Variants in CNNM1 observed in about 807,000 individuals in gnomAD.
CNNM1 encodes the protein cyclin and CBS domain divalent metal cation transport mediator 1, also known as metal transporter CNNM1.
Under a neutral mutation model 78.8 loss-of-function variants are expected in CNNM1, and 44 were observed. That is an observed-to-expected ratio of 0.56 (90% CI 0.44 to 0.72). CNNM1 has a LOEUF of 0.72. CNNM1 is among the 30% of genes least tolerant of loss of function. CNNM1 has a pLI of 0.00. For synonymous variants in CNNM1, 584 were observed against 581.5 expected, an observed-to-expected ratio of 1.00 and a Z score of -0.06; for missense variants, 1,101 against 1,292.2, an observed-to-expected ratio of 0.85 and a Z score of 2.27.
At chr10:99,352,492 T>A (rs1352981707) in intron 1 of CNNM1, among the ~76,000 whole-genome samples, 1 of 152,244 alleles carries the variant, frequency 6.6e-6, no homozygotes, top group East Asian at 1.9e-4. Context: ...CAGCAATGTC[T>A]GAGAGGTTCA....
intron 5 of CNNM1, 92 bp downstream of exon 5, chr10:99,364,608 G>T: frequency 9.6e-7 from 1 of 1,041,758 alleles, no homozygotes; most frequent in Non-Finnish European, 1.4e-6. Context: ...TTTGACTCTT[G>T]TTAATCAGCC....
intron 1 of CNNM1, among the ~76,000 whole-genome samples, chr10:99,345,386 A>G (rs1404658735): frequency 6.6e-6 from 1 of 152,188 alleles, no homozygotes; most frequent in Non-Finnish European, 1.5e-5. Flanking sequence ...CATCTCAGGT[A>G]TCTAGCTTAC....
chr10:99,391,871 A>G lies in CNNM1; in HGVS notation c.*355A>G, dbSNP rs991139804. Reference sequence around the variant, plus strand: ...TGTTCTTTGGGTCCCCTGATGCCATAGGAGACCTATCGTCTTGGAACTTGC... The same window carrying G: ...TGTTCTTTGGGTCCCCTGATGCCATGGGAGACCTATCGTCTTGGAACTTGC... On this transcript the variant is annotated 3_prime_UTR_variant, in exon 11 of 11. Transcript: ENST00000356713. 10 of 213,230 alleles carry G rather than the reference A, an allele frequency of 4.7e-5. No individual in the cohort carries two copies. Among genetic ancestry groups the G allele is most frequent in the Non-Finnish European group, 9.4e-5 (10 of 106,000 alleles). The allele number at this position is 213,230 out of a possible 1,614,324, so 13.2% of individuals were successfully genotyped here.
intron 1 of CNNM1, among the ~76,000 whole-genome samples, chr10:99,346,084 T>C (rs1446643586): frequency 2.0e-5 from 3 of 152,190 alleles, no homozygotes; most frequent in African/African-American, 7.2e-5. Context: ...CATAGGAGCC[T>C]TTAATGCAAG....
rs1169809178 is a variant in CNNM1 at position 99,354,234 on chromosome 10, C to T, written c.1574-3278C>T. Among the ~76,000 whole-genome samples the T allele has an allele frequency of 2.0e-5, 3 of 152,306 alleles. No homozygotes were observed. The East Asian group carries it at 5.8e-4, about 29-fold the overall frequency. On this transcript the variant is annotated intron_variant, in intron 1 of 10. Transcript: ENST00000356713. ...GAAACGAAAAACTTTAAATTGAGCA[C>T]ATTCTAACAATTAATATAATCTAAT...
At chr10:99,342,952 CT>C (rs1311521951) in intron 1 of CNNM1, among the ~76,000 whole-genome samples, 3 of 151,336 alleles carry the variant, frequency 2.0e-5, no homozygotes, top group Non-Finnish European at 3.0e-5. Flanking sequence ...CTAGTCCCAT[CT>C]TTTTTTTTCT....
At chr10:99,382,203 G>C (rs748121784) in intron 7 of CNNM1, among the ~76,000 whole-genome samples, 3 of 152,194 alleles carry the variant, frequency 2.0e-5, no homozygotes, top group Non-Finnish European at 4.4e-5. Context: ...TACAAAATGA[G>C]ATAGAAAGGT....
Position 99,391,578 on chromosome 10 carries a change from C to A in CNNM1, c.*62C>A. 2.2e-6 allele frequency: 3 copies of A among 1,383,456 alleles called. No homozygotes were observed. The highest frequency in any genetic ancestry group is 2.4e-5 in the South Asian group (2 of 82,564). The allele number at this position is 1,383,456 out of a possible 1,614,324, so 85.7% of individuals were successfully genotyped here. A position where few individuals can be genotyped will look rare whatever the true frequency, so the allele number is the denominator to read the frequency against. ...CCAGAGCTTTGGGGGAGAATCCACC[C>A]TCCCATCATCTGCTTCCCCCAAGGC... On this transcript the variant is annotated 3_prime_UTR_variant, in exon 11 of 11. Coordinates refer to ENST00000356713, the MANE Select transcript of CNNM1 (RefSeq NM_020348.3).
chr10:99,391,608 C>A lies in CNNM1; in HGVS notation c.*92C>A. ...ATCATCTGCTTCCCCCAAGGCCTCC[C>A]ACAGGTGACAGAATGTTCTGCCTTC... is the stretch of plus-strand genomic sequence containing the variant. On this transcript the variant is annotated 3_prime_UTR_variant, in exon 11 of 11. Transcript: ENST00000356713. 2.9e-6 allele frequency: 3 copies of A among 1,035,860 alleles called. No individual in the cohort carries two copies. The highest frequency in any genetic ancestry group is 2.5e-5 in the East Asian group (1 of 40,520). 64.2% of individuals were successfully genotyped at this position (1,035,860 alleles called of 1,614,324 possible).
chr10:99,387,496 A>G (rs1230348248), intron 7 of CNNM1, among the ~76,000 whole-genome samples: 2 of 152,176 alleles, frequency 1.3e-5, no homozygotes, highest in Non-Finnish European at 2.9e-5. Context: ...GCAATAGTAT[A>G]AATGGGTGTT....
intron 4 of CNNM1, 27 bp from the exon 5 acceptor site, chr10:99,364,390 A>G (rs1476122298): frequency 6.5e-7 from 1 of 1,542,230 alleles, no homozygotes; most frequent in Non-Finnish European, 8.9e-7. Context: ...ACACATTCAT[A>G]GTACACTTCC....
chr10:99,361,033 G>A, intron 3 of CNNM1, 58 bp downstream of exon 3: 1 of 1,491,556 alleles, frequency 6.7e-7, no homozygotes. Context: ...TGGGACCCAG[G>A]CACCAATCGT....
rs943891843 is a variant in CNNM1 at position 99,393,331 on chromosome 10, T to A, written c.*1815T>A. ...GAAAATGCTTACCCACAGGAACTGTTAACTCAGGGGTTCTTAACTTGGGGT... is the reference window on the plus strand; with the variant it reads ...GAAAATGCTTACCCACAGGAACTGTAAACTCAGGGGTTCTTAACTTGGGGT... On this transcript the variant is annotated 3_prime_UTR_variant, in exon 11 of 11. Transcript: ENST00000356713. 6 of 152,612 alleles carry A rather than the reference T, an allele frequency of 3.9e-5. No individual in the cohort carries two copies. The highest frequency in any genetic ancestry group is 1.4e-4 in the African/African-American group (6 of 41,444). The allele number at this position is 152,612 out of a possible 1,614,324, so 9.5% of individuals were successfully genotyped here.
At chr10:99,362,173 A>G (rs147564449) in intron 3 of CNNM1, 54 bp from the exon 4 acceptor site, 2 of 1,499,668 alleles carry the variant, frequency 1.3e-6, no homozygotes, top group Non-Finnish European at 1.8e-6. Context: ...CACTGCTGGA[A>G]TGGGTGGGAC....
intron 6 of CNNM1, among the ~76,000 whole-genome samples, chr10:99,376,601 T>C (rs1343618762): frequency 6.6e-6 from 1 of 152,130 alleles, no homozygotes; most frequent in Non-Finnish European, 1.5e-5. Context: ...TGATGTAAAA[T>C]ACCTCACCAT....
At chr10:99,341,250 T>C (rs2030446523) in intron 1 of CNNM1, among the ~76,000 whole-genome samples, 1 of 151,764 alleles carries the variant, frequency 6.6e-6, no homozygotes, top group Non-Finnish European at 1.5e-5. Context: ...CCAGCATGGG[T>C]GCCATGCTGG....
chr10:99,330,388 C>A lies in CNNM1; in HGVS notation c.1001C>A (p.Ala334Glu). The change falls in exon 1 of 11, where the codon GCG becomes GAG. Residue 334 changes from alanine to glutamate, a missense_variant. Physicochemically the swap from Ala to Glu is moderately radical, Grantham distance 107. This residue lies in a region of CNNM1 where 476 missense variants were observed against 484.5 expected (regional missense o/e 0.98). Transcript: ENST00000356713. ...PWLPALVCTG[A>E]VFLGAEICPY... is the part of the protein sequence containing the mutation. ...CTGCCGGCGCTCGTGTGCACCGGCG[C>A]GGTATTCCTGGGCGCCGAAATCTGC... The A allele has an allele frequency of 6.3e-7, 1 of 1,595,106 alleles. No individual in the cohort carries two copies. The highest frequency in any genetic ancestry group is 8.5e-7 in the Non-Finnish European group (1 of 1,171,980).
At chr10:99,386,006 C>T (rs2032293012) in intron 7 of CNNM1, among the ~76,000 whole-genome samples, 1 of 152,158 alleles carries the variant, frequency 6.6e-6, no homozygotes, top group South Asian at 2.1e-4. Context: ...AATTTTGGAA[C>T]GTGACTTCTC....
intron 1 of CNNM1, among the ~76,000 whole-genome samples, chr10:99,335,132 T>C (rs147223958): frequency 2.0e-5 from 3 of 152,362 alleles, no homozygotes; most frequent in African/African-American, 7.2e-5. Context: ...TCACCTCCAG[T>C]TTCTGCAGGT....
Sources: gnomAD v4.1 joint callset for allele counts (sites outside exome capture counted in the v4.1 genomes callset) on GRCh38, gnomAD v4.1.1 for gene constraint, gnomAD v4.1.1 regional missense constraint, MANE v1.5 for transcripts, NCBI Gene and HGNC (gene_info 2026-07-23, HGNC 2026-07-21) for gene names.